Variants in MTMR11 observed in about 807,000 individuals in gnomAD.
The protein encoded by MTMR11 is myotubularin related protein 11.
Under a neutral mutation model 100.0 loss-of-function variants are expected in MTMR11, and 89 were observed. The observed-to-expected ratio is 0.89, with a 90% CI of 0.75 to 1.06. The LOEUF (loss-of-function observed/expected upper bound fraction) is 1.06. Among genes scored for constraint, MTMR11 ranks in the 50% least tolerant of loss-of-function variants. MTMR11 has a pLI of 0.00. For synonymous variants in MTMR11, 336 were observed against 326.3 expected (o/e 1.03, Z -0.32); for missense variants, 809 against 873.7 (o/e 0.93, Z 0.93).
rs2092709125 is a variant in MTMR11 at position 149,935,324 on chromosome 1, C to G, written c.300G>C (p.Leu100=). 1 of 1,613,770 alleles carries G rather than the reference C, an allele frequency of 6.2e-7. No homozygotes were observed. Among genetic ancestry groups the G allele is most frequent in the Non-Finnish European group, 8.5e-7 (1 of 1,179,918 alleles). Residue 100 remains leucine (L), a synonymous_variant, in exon 4 of 17, where the codon CTG becomes CTC. Coordinates refer to ENST00000439741, the MANE Select transcript of MTMR11 (RefSeq NM_001145862.2). ...TPLNSEYDFA[L]VNIGRLEAVS... The stretch of plus-strand genomic sequence containing the variant: ...CAGCCTCTAATCGTCCAATGTTGAC[C>G]AGGGCAAAATCGTATTCACTGTTCA...
In MTMR11 at chr1:149,936,156, G is replaced by C. The variant is rs1193312319; in HGVS notation, c.140C>G (p.Pro47Arg). ...GGAGAGTGATAGGGCATTATTACCT[G>C]GGAGGCATCTGGAGGCCAGGCAACT... ...PSSCLASRCL[P>R]GEQILAWAPG... is the part of the protein sequence containing the mutation. Residue 47 changes from proline to arginine, a missense_variant and splice_region_variant, in exon 2 of 17, where the codon CCA (proline) becomes CGA (arginine). Pro to Arg is a moderately radical substitution (Grantham distance 103). Transcript: ENST00000439741. The C allele has an allele frequency of 6.2e-7, 1 of 1,613,388 alleles. No homozygotes were observed. The highest frequency in any genetic ancestry group is 8.5e-7 in the Non-Finnish European group (1 of 1,179,462).
At position 149,936,638 on chromosome 1, in the gene MTMR11, C is replaced by A; in HGVS notation, c.10G>T (p.Gly4Trp). The change falls in exon 1 of 17, where the codon GGG (glycine) becomes TGG (tryptophan). Residue 4 changes from glycine to tryptophan, a missense_variant. Gly to Trp is a radical substitution (Grantham distance 184). Coordinates refer to ENST00000439741, the MANE Select transcript of MTMR11 (RefSeq NM_001145862.2). MWW[G>W]GRGQSFNIAP... ...ATGTTGAAACTCTGGCCCCGGCCCC[C>A]CCACCACATTTCTCTGGCTCCATCC... 6.5e-7 allele frequency: 1 copy of A among 1,542,784 alleles called. No individual in the cohort carries two copies. Among genetic ancestry groups the A allele is most frequent in the Non-Finnish European group, 8.8e-7 (1 of 1,139,152 alleles).
chr1:149,934,353 G>A, intron 6 of MTMR11, 27 bp from the exon 7 acceptor site: 2 of 1,614,026 alleles, frequency 1.2e-6, no homozygotes, highest in African/African-American at 1.3e-5. Context: ...ACATAGAGGA[G>A]GAAGGAGAAA....
chr1:149,928,960 A>C lies in MTMR11; in HGVS notation c.*169T>G. On this transcript the variant is annotated 3_prime_UTR_variant, in exon 17 of 17. Transcript: ENST00000439741. ...GTTTCTTAATCCTTCAAATGACAAG[A>C]AGCAAAAATATTTGTAGAAACTAAG... The C allele has an allele frequency of 6.2e-7, 1 of 1,613,602 alleles. No individual in the cohort carries two copies. The highest frequency in any genetic ancestry group is 1.3e-5 in the African/African-American group (1 of 75,020).
At chr1:149,936,560 C>A in intron 1 of MTMR11, 22 bp downstream of exon 1, 1 of 1,487,700 alleles carries the variant, frequency 6.7e-7, no homozygotes, top group Non-Finnish European at 9.2e-7. Context: ...TTGCCGACAC[C>A]CCCCAAATTC....
rs782043151 is a variant in MTMR11, at chr1:149,932,351, C to G, written c.986-21G>C. The G allele has an allele frequency of 1.4e-5, 23 of 1,597,268 alleles. 1 individual carries two copies. In the South Asian group the frequency reaches 2.4e-4, roughly 17 times the overall value. ...TGAATCTGATAGAGGGTAGAAAGAT[C>G]AGAAGGGCAAGAGATTAGAACTCAG... On this transcript the variant is annotated intron_variant, in intron 10 of 16. Transcript: ENST00000439741.
chr1:149,931,261 T>C lies in MTMR11; in HGVS notation c.1289A>G (p.Glu430Gly), dbSNP rs587673875. Residue 430 changes from glutamate to glycine, a missense_variant and splice_region_variant, in exon 13 of 17, where the codon GAG (glutamate) becomes GGG (glycine). Glu to Gly is a moderately conservative substitution (Grantham distance 98). Transcript: ENST00000439741. ...GATGCCATCCCGAATCATTCTCACC[T>C]CTTCACTGGCCCCAGTTCCCCCAAG... ...TRLGGTGASE[E>G]APVFLLFLDC... 2 of 1,614,060 alleles carry C rather than the reference T, an allele frequency of 1.2e-6. No homozygotes were observed. The highest frequency in any genetic ancestry group is 2.2e-5 in the East Asian group (1 of 44,878).
In MTMR11 at chr1:149,928,926, ATTGTTT is replaced by A. The variant is rs1249603215; in HGVS notation, c.*197_*202del. 1.2e-6 allele frequency: 2 copies of A among 1,614,096 alleles called. No homozygotes were observed. Among genetic ancestry groups the A allele is most frequent in the Admixed American group, 3.3e-5 (2 of 59,998 alleles). On this transcript the variant is annotated 3_prime_UTR_variant, in exon 17 of 17. Transcript: ENST00000439741. ...CCTAAAAAAACCGATCAATTTCTGG[ATTGTTT>A]TTGTTTCTTAATCCTTCAAATGACA... is the stretch of plus-strand genomic sequence containing the variant.
chr1:149,929,503 A>G, intron 16 of MTMR11, 120 bp downstream of exon 16: 1 of 1,300,178 alleles, frequency 7.7e-7, no homozygotes, highest in African/African-American at 1.5e-5. Flanking sequence ...TGCCAAGAGG[A>G]GTAGAACTTC....
rs782111268 is a variant in MTMR11, at chr1:149,935,635, G to C, written c.213C>G (p.Ile71Met). The C allele has an allele frequency of 9.3e-6, 15 of 1,614,152 alleles. No individual in the cohort carries two copies. Among genetic ancestry groups the C allele is most frequent in the Non-Finnish European group, 1.3e-5 (15 of 1,180,020 alleles). Residue 71 changes from isoleucine (I) to methionine (M), a missense_variant, in exon 3 of 17, where the codon ATC (isoleucine) becomes ATG (methionine). Coordinates refer to ENST00000439741, the MANE Select transcript of MTMR11 (RefSeq NM_001145862.2). Reference sequence around the variant, plus strand: ...GGAAGGTGACCCTAAAGTTGGTACAGATCAGGGTTCCAGACAATTCTGGTT... The same window carrying C: ...GGAAGGTGACCCTAAAGTTGGTACACATCAGGGTTCCAGACAATTCTGGTT... ...GLEPELSGTL[I>M]CTNFRVTFQP...
chr1:149,931,493 G>A, intron 12 of MTMR11, 67 bp from the exon 13 acceptor site: 1 of 1,435,648 alleles, frequency 7.0e-7, no homozygotes, highest in Non-Finnish European at 9.4e-7. Context: ...AAGAGAATGA[G>A]AAGAGAAATA....
At chr1:149,931,009 A>G in intron 13 of MTMR11, 44 bp from the exon 14 acceptor site, 2 of 1,529,504 alleles carry the variant, frequency 1.3e-6, no homozygotes, top group Non-Finnish European at 8.8e-7. Context: ...TGGGACCCAA[A>G]GAGGGAGGAT....
Position 149,936,020 on chromosome 1 carries a change from G to A in MTMR11, c.142+134C>T. ...CTCAGCCAGCTCTAGAGGCTGTCAG[G>A]GAGGACAGCGAGCCTCAGGCAGACG... On this transcript the variant is annotated intron_variant, in intron 2 of 16. Coordinates refer to ENST00000439741, the MANE Select transcript of MTMR11 (RefSeq NM_001145862.2). The A allele has an allele frequency of 3.1e-6, 3 of 975,092 alleles. No homozygotes were observed. In the South Asian group the frequency reaches 4.3e-5, roughly 14 times the overall value. The allele number at this position is 975,092 out of a possible 1,614,324, so 60.4% of individuals were successfully genotyped here.
chr1:149,931,055 A>G, intron 13 of MTMR11, 90 bp from the exon 14 acceptor site: 1 of 1,394,214 alleles, frequency 7.2e-7, no homozygotes, highest in Non-Finnish European at 9.6e-7. Context: ...CACAGGGAAT[A>G]GGGGGAACTT....
chr1:149,933,316 A>C, intron 10 of MTMR11, 90 bp downstream of exon 10: 1 of 1,501,780 alleles, frequency 6.7e-7, no homozygotes, highest in Non-Finnish European at 9.1e-7. Context: ...CTAAAGAGCT[A>C]CTCATCTACA....
intron 2 of MTMR11, 103 bp downstream of exon 2, chr1:149,936,051 C>A: frequency 7.7e-7 from 1 of 1,292,982 alleles, no homozygotes; most frequent in South Asian, 1.2e-5. Flanking sequence ...AGACGTACTT[C>A]GAGCCACGAG....
chr1:149,934,128 G>C, intron 7 of MTMR11, 63 bp downstream of exon 7: 2 of 1,607,666 alleles, frequency 1.2e-6, no homozygotes, highest in Non-Finnish European at 1.7e-6. Flanking sequence ...CCTAGCTTTA[G>C]AGGATCAAGG....
At chr1:149,931,894 G>A (rs782304193) in intron 12 of MTMR11, 50 bp downstream of exon 12, 4 of 1,512,030 alleles carry the variant, frequency 2.6e-6, no homozygotes, top group Non-Finnish European at 3.7e-6. Flanking sequence ...CTGGTCAGGT[G>A]GGTAAAGAAA....
intron 12 of MTMR11, 66 bp from the exon 13 acceptor site, chr1:149,931,492 A>G (rs1281117254): frequency 6.9e-7 from 1 of 1,444,670 alleles, no homozygotes; most frequent in Non-Finnish European, 9.3e-7. Context: ...GAAGAGAATG[A>G]GAAGAGAAAT....
Sources: allele counts gnomAD v4.1 joint callset, GRCh38; gene constraint gnomAD v4.1.1; transcripts MANE v1.5; gene names NCBI Gene and HGNC (gene_info 2026-07-23, HGNC 2026-07-21).